Variants in ABCC5 observed in about 807,000 individuals in gnomAD.
ABCC5 encodes the protein ATP binding cassette subfamily C member 5.
ABCC5 carries 61 observed loss-of-function variants against 160.9 expected under a neutral mutation model. The observed-to-expected ratio is 0.38, with a 90% confidence interval of 0.31 to 0.47. The LOEUF is 0.47. Ranked by LOEUF, ABCC5 falls within the 20% of genes least tolerant of loss-of-function variation. The probability of loss-of-function intolerance (pLI) is 0.99; values close to 1 mark genes in which losing one functional copy is unlikely to be tolerated. For synonymous variants in ABCC5, 666 were observed against 700.6 expected (o/e 0.95, Z 0.78); for missense variants, 1,308 against 1,813.3 (o/e 0.72, Z 5.06).
At chr3:183,984,645 T>C (rs1719040481) in intron 5 of ABCC5, 2 of 1,443,280 alleles carry the variant, frequency 1.4e-6, no homozygotes, top group Non-Finnish European at 1.8e-6. Context: ...AGAACTACTG[T>C]ATTCCACCTC....
At chr3:183,937,256 A>C (rs1277360903) in intron 26 of ABCC5, among the ~76,000 whole-genome samples, 1 of 152,204 alleles carries the variant, frequency 6.6e-6, no homozygotes, top group Non-Finnish European at 1.5e-5. Flanking sequence ...GGGCGCCTGT[A>C]ATCCCAGCTA....
chr3:183,982,208 T>A lies in ABCC5; in HGVS notation c.999+243A>T, dbSNP rs1301660787. Among the ~76,000 whole-genome samples, 1 of 152,128 alleles carries A rather than the reference T, an allele frequency of 6.6e-6. No individual in the cohort carries two copies. The highest frequency in any genetic ancestry group is 6.5e-5 in the Admixed American group (1 of 15,280). On this transcript the variant is annotated intron_variant, in intron 7 of 29. Transcript: ENST00000334444. This position sits in a 1 kb window ranked among gnomAD's most constrained non-coding sequence, Gnocchi z 5.2. ...GTGACTCAAACACTCCTATGTCAAG[T>A]GGGACAGGGTTCACCAGCTGACCTT...
At chr3:183,994,688 A>G (rs780775174) in intron 2 of ABCC5, among the ~76,000 whole-genome samples, 24 of 151,778 alleles carry the variant, frequency 1.6e-4, no homozygotes, top group Non-Finnish European at 3.1e-4. Context: ...TTGGCATTAT[A>G]TTTTATTTTA....
intron 1 of ABCC5, 60 bp from the exon 2 acceptor site, chr3:184,014,507 T>C (rs1722026422): frequency 2.1e-6 from 2 of 961,752 alleles, no homozygotes; most frequent in Middle Eastern, 3.9e-4. Context: ...AACCATAAGC[T>C]CAAGTGCCTT....
Position 183,953,320 on chromosome 3 carries a change from A to AT in ABCC5, c.2483-51dup, listed in dbSNP as rs772282133. 35 of 1,531,784 alleles carry AT rather than the reference A, an allele frequency of 2.3e-5. No individual in the cohort carries two copies. In the African/African-American group the frequency reaches 4.1e-4, roughly 18 times the overall value. The allele number at this position is 1,531,784 out of a possible 1,614,324, so 94.9% of individuals were successfully genotyped here. A position where few individuals can be genotyped will look rare whatever the true frequency, so the allele number is the denominator to read the frequency against. ...GACTCAGAAGGGAAGAACTATTTCC[A>AT]TAAAACTAAGTCACCTGCAGAGCAA... On this transcript the variant is annotated intron_variant, in intron 17 of 29. Transcript: ENST00000334444.
chr3:183,990,205 T>A (rs1719628589), intron 2 of ABCC5, among the ~76,000 whole-genome samples: 1 of 151,878 alleles, frequency 6.6e-6, no homozygotes, highest in African/African-American at 2.4e-5. Context: ...GCCTCCCCGG[T>A]TCAAGCAATT....
In ABCC5 at chr3:183,951,764, G is replaced by C. The variant is rs1715371992; in HGVS notation, c.2814+93C>G. ...AGCCAGGGCCATCCTGGTTAAGGGA[G>C]CTCCCCTACTCAGCATGAACTGAGA... On this transcript the variant is annotated intron_variant, in intron 19 of 29. Coordinates refer to ENST00000334444, the MANE Select transcript of ABCC5 (RefSeq NM_005688.4). The surrounding 1 kb of genome is among the most constrained non-coding windows in gnomAD (Gnocchi z 4.7). 1 of 1,529,652 alleles carries C rather than the reference G, an allele frequency of 6.5e-7. No homozygotes were observed. 94.8% of individuals were successfully genotyped at this position (1,529,652 alleles called of 1,614,324 possible). A position where few individuals can be genotyped will look rare whatever the true frequency, so the allele number is the denominator to read the frequency against.
At position 183,971,866 on chromosome 3, in the gene ABCC5, A is replaced by C; in HGVS notation, c.1458T>G (p.Pro486=). 4 of 1,614,090 alleles carry C rather than the reference A, an allele frequency of 2.5e-6. No homozygotes were observed. The highest frequency in any genetic ancestry group is 2.5e-6 in the Non-Finnish European group (3 of 1,180,018). Residue 486 remains proline, a synonymous_variant, in exon 11 of 30, where the codon CCT becomes CCG. Transcript: ENST00000334444. The part of the protein sequence containing the change: ...VHMIKNKPAS[P]HIKIEMKNAT... Reference sequence around the variant, plus strand: ...CATTTTTCATCTCTATCTTGATGTGAGGACTGGCTGGTTTGTTCTTTATCA... The same window carrying C: ...CATTTTTCATCTCTATCTTGATGTGCGGACTGGCTGGTTTGTTCTTTATCA...
intron 25 of ABCC5, among the ~76,000 whole-genome samples, chr3:183,940,462 G>GAAAAAAAAAAAA (rs537025178): frequency 1.5e-5 from 1 of 64,622 alleles, no homozygotes; most frequent in Non-Finnish European, 3.0e-5. Flanking sequence ...TCTGTCTCAG[G>GAAAAAAAAAAAA]AAAAAAAAAA....
chr3:183,964,389 G>T (rs1414022757), intron 14 of ABCC5, among the ~76,000 whole-genome samples: 1 of 152,232 alleles, frequency 6.6e-6, no homozygotes, highest in Non-Finnish European at 1.5e-5. Flanking sequence ...GAATAAATCA[G>T]TTGTCAAATA....
rs769374939 is a variant in ABCC5, at chr3:183,963,605, G to T, written c.2032-17C>A. The T allele has an allele frequency of 6.2e-6, 10 of 1,612,644 alleles. No individual in the cohort carries two copies. In the Admixed American group the frequency reaches 1.5e-4, roughly 24 times the overall value. On this transcript the variant is annotated splice_polypyrimidine_tract_variant and intron_variant, in intron 14 of 29. Coordinates refer to ENST00000334444, the MANE Select transcript of ABCC5 (RefSeq NM_005688.4). This position sits in a 1 kb window ranked among gnomAD's most constrained non-coding sequence, Gnocchi z 4.6. The stretch of plus-strand genomic sequence containing the variant: ...CTCTCCAATCTACAAGAGCCCAGAA[G>T]TGTGGTGAAGCCTCCAGCGCAAGTC...
chr3:183,975,518 T>C (rs907677482), intron 10 of ABCC5, among the ~76,000 whole-genome samples: 13 of 151,948 alleles, frequency 8.6e-5, no homozygotes, highest in Admixed American at 7.9e-4. Context: ...ATTTTTTGGA[T>C]TTTTAGTAGA....
intron 5 of ABCC5, chr3:183,984,652 C>A (rs1719041371): frequency 1.4e-5 from 20 of 1,446,094 alleles, no homozygotes; most frequent in Non-Finnish European, 1.8e-5. Flanking sequence ...CTGTATTCCA[C>A]CTCTCCCCTC....
intron 8 of ABCC5, among the ~76,000 whole-genome samples, chr3:183,980,724 T>G (rs532594694): frequency 2.9e-4 from 44 of 151,996 alleles, no homozygotes; most frequent in East Asian, 1.7e-3. Context: ...GTTTTTTTTT[T>G]TTTTTTTTGA....
intron 28 of ABCC5, among the ~76,000 whole-genome samples, chr3:183,926,571 A>C (rs142749456): frequency 7.4e-4 from 112 of 152,110 alleles, no homozygotes; most frequent in African/African-American, 1.6e-3. Flanking sequence ...AAAACAAAAC[A>C]AAACCACGGA....
At chr3:183,936,512 A>ATT (rs529613435) in intron 26 of ABCC5, among the ~76,000 whole-genome samples, 78 of 130,796 alleles carry the variant, frequency 6.0e-4, no homozygotes, top group African/African-American at 1.8e-3. Context: ...TTTTAGAATG[A>ATT]TTTTTTTTTT....
chr3:183,948,689 G>A (rs1715066654), intron 22 of ABCC5, among the ~76,000 whole-genome samples: 1 of 151,790 alleles, frequency 6.6e-6, no homozygotes, highest in South Asian at 2.1e-4. Context: ...TCCTTTCAGA[G>A]ATATTCTAAA....
intron 2 of ABCC5, among the ~76,000 whole-genome samples, chr3:184,002,711 C>A (rs4148572): frequency 2.0e-5 from 3 of 152,144 alleles, no homozygotes; most frequent in Admixed American, 1.3e-4. Context: ...AGGGCTTTTC[C>A]CCTGCACGGA....
At position 183,921,039 on chromosome 3, in the gene ABCC5, CA is replaced by C. The variant is rs1711918933; in HGVS notation, c.*260del. On this transcript the variant is annotated 3_prime_UTR_variant, in exon 30 of 30. Transcript: ENST00000334444. The surrounding 1 kb of genome is among the most constrained non-coding windows in gnomAD (Gnocchi z 4.1). ...AAAGCTTCATTATAGGCCTCTGATA[CA>C]ATTATAATAACGGTTCCCTGAACCT... 1 of 331,872 alleles carries C rather than the reference CA, an allele frequency of 3.0e-6. No individual in the cohort carries two copies. Among genetic ancestry groups the C allele is most frequent in the Admixed American group, 4.8e-5 (1 of 20,882 alleles). 20.6% of individuals were successfully genotyped at this position (331,872 alleles called of 1,614,324 possible). A position where few individuals can be genotyped will look rare whatever the true frequency, so the allele number is the denominator to read the frequency against.
Sources: allele counts gnomAD v4.1 joint callset (sites outside exome capture counted in the v4.1 genomes callset), GRCh38; gene constraint gnomAD v4.1.1; non-coding constraint Gnocchi (gnomAD v3.1); transcripts MANE v1.5; gene names NCBI Gene and HGNC (gene_info 2026-07-23, HGNC 2026-07-21).